Variants in CORO7 observed in about 807,000 individuals in gnomAD.
CORO7 encodes the protein coronin 7, also known as coronin-7.
A neutral mutation model predicts 126.6 loss-of-function variants in CORO7; 107 were observed. That is an observed-to-expected ratio of 0.85 (90% CI 0.72 to 0.99). The LOEUF (loss-of-function observed/expected upper bound fraction) is 0.99. Among genes scored for constraint, CORO7 ranks in the 50% least tolerant of loss-of-function variants. The pLI is 0.00. For synonymous variants in CORO7, 603 were observed against 536.8 expected, an observed-to-expected ratio of 1.12 and a Z score of -1.70; for missense variants, 1,314 against 1,255.8, an observed-to-expected ratio of 1.05 and a Z score of -0.70.
chr16:4,357,798 C>G, intron 25 of CORO7, 170 bp downstream of exon 25: 2 of 1,247,242 alleles, frequency 1.6e-6, no homozygotes, highest in African/African-American at 3.0e-5. Flanking sequence ...AAAACACAGA[C>G]CACGAGCCCT....
intron 3 of CORO7, among the ~76,000 whole-genome samples, chr16:4,411,745 G>A (rs2141332750): frequency 6.6e-6 from 1 of 152,140 alleles, no homozygotes; most frequent in South Asian, 2.1e-4. Context: ...CAAGCAGCCA[G>A]AAATGCAGGC....
intron 23 of CORO7, 111 bp downstream of exon 23, chr16:4,359,185 G>A: frequency 8.1e-7 from 1 of 1,235,316 alleles, no homozygotes; most frequent in Non-Finnish European, 1.1e-6. Context: ...CCCAGCCCCA[G>A]CCCAGGACTC....
intron 3 of CORO7, among the ~76,000 whole-genome samples, chr16:4,410,982 G>A (rs1466443510): frequency 6.6e-6 from 1 of 152,220 alleles, no homozygotes; most frequent in Non-Finnish European, 1.5e-5. Flanking sequence ...CTGAGGCTGT[G>A]GTATTGGAGG....
intron 9 of CORO7, among the ~76,000 whole-genome samples, chr16:4,372,234 C>T (rs1478272873): frequency 6.6e-6 from 1 of 152,156 alleles, no homozygotes; most frequent in African/African-American, 2.4e-5. Flanking sequence ...GTGCGGTGAG[C>T]CCGCGAGGCT....
At chr16:4,396,614 T>TGGC (rs1193085525) in intron 6 of CORO7, among the ~76,000 whole-genome samples, 1 of 152,214 alleles carries the variant, frequency 6.6e-6, no homozygotes, top group East Asian at 1.9e-4. Context: ...AGATGGGGGC[T>TGGC]GGTTAACTTT....
chr16:4,355,433 C>T lies in CORO7; in HGVS notation c.2686-61G>A, dbSNP rs1377961756. On this transcript the variant is annotated intron_variant, in intron 26 of 27. Transcript: ENST00000251166. ...ATAGGACTCCCTGTTCCCTCTCCCACTCCAAGAACAACCCTGACAAGGCTG... is the reference window on the plus strand; with the variant it reads ...ATAGGACTCCCTGTTCCCTCTCCCATTCCAAGAACAACCCTGACAAGGCTG... The T allele has an allele frequency of 1.0e-5, 16 of 1,538,368 alleles. No homozygotes were observed. In the Admixed American group the frequency reaches 2.7e-4, roughly 26 times the overall value.
At chr16:4,359,798 T>A (rs1255005339) in intron 21 of CORO7, among the ~76,000 whole-genome samples, 177 bp from the exon 22 acceptor site, 1 of 151,756 alleles carries the variant, frequency 6.6e-6, no homozygotes, top group African/African-American at 2.4e-5. Context: ...CATTGACTCT[T>A]TCTCCTCCAC....
chr16:4,380,824 C>T (rs1194834388), intron 9 of CORO7: 1 of 1,428,304 alleles, frequency 7.0e-7, no homozygotes, highest in Non-Finnish European at 9.2e-7. Flanking sequence ...GCCTTCTAGG[C>T]CCCTGACTCA....
chr16:4,374,065 T>A (rs1480517066), intron 9 of CORO7, among the ~76,000 whole-genome samples: 1 of 150,438 alleles, frequency 6.6e-6, no homozygotes, highest in Non-Finnish European at 1.5e-5. Context: ...GCGTGAGTTC[T>A]TGGAGAAGGG....
In CORO7 at chr16:4,362,777, T is replaced by A; in HGVS notation, c.1276-39A>T. The A allele has an allele frequency of 7.6e-7, 1 of 1,313,050 alleles. No individual in the cohort carries two copies. The highest frequency in any genetic ancestry group is 9.7e-7 in the Non-Finnish European group (1 of 1,027,142). The allele number at this position is 1,313,050 out of a possible 1,614,324, so 81.3% of individuals were successfully genotyped here. ...TGGGGTCAGCCAGCCTGCTCCTAGG[T>A]GTACTGGCCAAAAGGAGGGGGTGCC... is the stretch of plus-strand genomic sequence containing the variant. On this transcript the variant is annotated intron_variant, in intron 14 of 27. Coordinates refer to ENST00000251166, the MANE Select transcript of CORO7 (RefSeq NM_024535.5). The surrounding 1 kb of genome is among the most constrained non-coding windows in gnomAD (Gnocchi z 5.3).
At chr16:4,387,339 G>A (rs2055227544) in intron 9 of CORO7, among the ~76,000 whole-genome samples, 1 of 152,150 alleles carries the variant, frequency 6.6e-6, no homozygotes, top group Admixed American at 6.5e-5. Flanking sequence ...GACCCCGCCA[G>A]GCACTGCCAA....
In CORO7 at chr16:4,364,855, C is replaced by T. The variant is rs765091340; in HGVS notation, c.964G>A (p.Val322Ile). ...AALVPRQALA[V>I]MSCEVLRVLQ... ...ACGCGGAGTACCTCGCAGCTCATGA[C>T]GGCCAGCGCCTGCCGGGGCACAAGG... is the stretch of plus-strand genomic sequence containing the variant. The change falls in exon 12 of 28, where the codon GTC becomes ATC. Residue 322 changes from valine to isoleucine, a missense_variant. Coordinates refer to ENST00000251166, the MANE Select transcript of CORO7 (RefSeq NM_024535.5). The T allele has an allele frequency of 2.5e-5, 40 of 1,611,836 alleles. No homozygotes were observed. The highest frequency in any genetic ancestry group is 1.6e-4 in the Middle Eastern group (1 of 6,080).
chr16:4,376,908 T>G (rs1443323234), intron 9 of CORO7, among the ~76,000 whole-genome samples: 1 of 152,192 alleles, frequency 6.6e-6, no homozygotes, highest in African/African-American at 2.4e-5. Context: ...CCCTTAGTAG[T>G]ACCCACGCCC....
chr16:4,415,966 G>A (rs945474341), intron 1 of CORO7: 25 of 836,600 alleles, frequency 3.0e-5, no homozygotes, highest in Middle Eastern at 5.9e-4. Context: ...GCGTGCGGCC[G>A]AGGGGCTCCC....
At chr16:4,381,926 C>T (rs2054990646) in intron 9 of CORO7, 4 of 1,606,850 alleles carry the variant, frequency 2.5e-6, no homozygotes, top group Non-Finnish European at 3.4e-6. Flanking sequence ...TTTGGCTGCC[C>T]AGCCACCACC....
chr16:4,393,796 T>C (rs1463552224), intron 7 of CORO7, among the ~76,000 whole-genome samples: 2 of 152,196 alleles, frequency 1.3e-5, no homozygotes, highest in African/African-American at 4.8e-5. Context: ...TCTAGAAAGT[T>C]CTTTTTAGAA....
chr16:4,394,054 T>C (rs2055490998), intron 7 of CORO7, among the ~76,000 whole-genome samples: 1 of 151,756 alleles, frequency 6.6e-6, no homozygotes, highest in Non-Finnish European at 1.5e-5. Context: ...CGAGCCGAGA[T>C]TGCGCCACTG....
At chr16:4,367,793 C>A in intron 9 of CORO7, among the ~76,000 whole-genome samples, 1 of 152,034 alleles carries the variant, frequency 6.6e-6, no homozygotes. Context: ...AGGGCTGAGG[C>A]TCAGGATGGG....
At chr16:4,413,132 C>T (rs908756324) in intron 2 of CORO7, among the ~76,000 whole-genome samples, 176 bp downstream of exon 2, 3 of 152,214 alleles carry the variant, frequency 2.0e-5, no homozygotes, top group Middle Eastern at 3.4e-3. Context: ...CAGATTACTG[C>T]GCCTGGACCA....
Sources: allele counts gnomAD v4.1 joint callset (sites outside exome capture counted in the v4.1 genomes callset), GRCh38; gene constraint gnomAD v4.1.1; non-coding constraint Gnocchi (gnomAD v3.1); transcripts MANE v1.5; gene names NCBI Gene and HGNC (gene_info 2026-07-23, HGNC 2026-07-21).